Variants in QTRT2 observed in about 807,000 individuals in gnomAD.
QTRT2 encodes queuine tRNA-ribosyltransferase domain containing 1.
Under a neutral mutation model 44.8 loss-of-function variants are expected in QTRT2, and 32 were observed. That is an observed-to-expected ratio of 0.71 (90% CI 0.54 to 0.96). QTRT2 has a LOEUF of 0.96. Among genes scored for constraint, QTRT2 ranks in the 40% least tolerant of loss-of-function variants. The pLI is 0.00. For synonymous variants in QTRT2, 182 were observed against 187.4 expected (o/e 0.97, Z 0.24); for missense variants, 461 against 503.1 (o/e 0.92, Z 0.80).
At chr3:114,064,441 C>T (rs75217093) in intron 2 of QTRT2, among the ~76,000 whole-genome samples, 4,757 of 152,250 alleles carry the variant, frequency 0.031, 124 homozygotes, top group East Asian at 0.052. Context: ...AAGTGGAACC[C>T]AGTATTTTGC....
chr3:114,081,315 C>G (rs1264117910), intron 8 of QTRT2, among the ~76,000 whole-genome samples: 1 of 152,096 alleles, frequency 6.6e-6, no homozygotes, highest in Non-Finnish European at 1.5e-5. Context: ...AGCAGTTCTC[C>G]CAAATGACAA....
intron 2 of QTRT2, chr3:114,057,533 A>C (rs1248901890): frequency 6.6e-6 from 1 of 152,242 alleles, no homozygotes; most frequent in Non-Finnish European, 1.5e-5. Flanking sequence ...TAGGGAAGCT[A>C]TGCCCTCGGA....
chr3:114,059,640 T>A (rs1223407338), intron 2 of QTRT2, among the ~76,000 whole-genome samples: 1 of 152,238 alleles, frequency 6.6e-6, no homozygotes, highest in Admixed American at 6.5e-5. Context: ...GATTTCCAGC[T>A]GAAGTATAGT....
chr3:114,084,363 A>G (rs976891831), intron 9 of QTRT2, among the ~76,000 whole-genome samples: 5 of 152,148 alleles, frequency 3.3e-5, no homozygotes, highest in Admixed American at 1.3e-4. Flanking sequence ...CACATCTGTA[A>G]TCCTAGCACT....
chr3:114,079,897 C>T lies in QTRT2; in HGVS notation c.747-9C>T, dbSNP rs1379244497. 1.9e-6 allele frequency: 3 copies of T among 1,611,868 alleles called. No individual in the cohort carries two copies. The highest frequency in any genetic ancestry group is 2.5e-6 in the Non-Finnish European group (3 of 1,178,788). ...CCTCATGTCACTGTTCTTATTCTTA[C>T]TTTTACAGGCTCATATCTGGTGTTA... On this transcript the variant is annotated splice_polypyrimidine_tract_variant and intron_variant, in intron 7 of 9. Coordinates refer to ENST00000281273, the MANE Select transcript of QTRT2 (RefSeq NM_024638.4).
intron 5 of QTRT2, 107 bp downstream of exon 5, chr3:114,068,170 C>T: frequency 1.1e-6 from 1 of 889,282 alleles, no homozygotes; most frequent in Admixed American, 1.8e-5. Context: ...ATCCCTTATA[C>T]CTTTTCCTTA....
intron 6 of QTRT2, 118 bp downstream of exon 6, chr3:114,070,956 T>A (rs1431101653): frequency 1.4e-6 from 1 of 712,272 alleles, no homozygotes; most frequent in Admixed American, 2.8e-5. Flanking sequence ...TTTGTCTATT[T>A]TACTCTCTAT....
At chr3:114,057,143 A>C in intron 2 of QTRT2, 37 bp downstream of exon 2, 1 of 1,158,434 alleles carries the variant, frequency 8.6e-7, no homozygotes, top group Non-Finnish European at 1.1e-6. Flanking sequence ...CGAACTGCCC[A>C]TGGGAGGGTG....
chr3:114,082,600 T>G, intron 8 of QTRT2, 77 bp from the exon 9 acceptor site: 1 of 569,490 alleles, frequency 1.8e-6, no homozygotes, highest in Non-Finnish European at 3.1e-6. Flanking sequence ...CATGAAATAA[T>G]AACTAAAATA....
chr3:114,083,326 T>C (rs9755272), intron 9 of QTRT2, among the ~76,000 whole-genome samples: 148 of 150,258 alleles, frequency 9.8e-4, no homozygotes, highest in African/African-American at 3.3e-3. Flanking sequence ...GTTGTTGTTG[T>C]TGTTGTTGTT....
At chr3:114,076,371 T>C (rs973062944) in intron 6 of QTRT2, among the ~76,000 whole-genome samples, 12 of 152,040 alleles carry the variant, frequency 7.9e-5, no homozygotes, top group African/African-American at 2.9e-4. Flanking sequence ...CAGGTGTCGC[T>C]ATGTTGCCCA....
chr3:114,067,898 C>A, intron 4 of QTRT2, 89 bp from the exon 5 acceptor site: 1 of 1,075,640 alleles, frequency 9.3e-7, no homozygotes, highest in Non-Finnish European at 1.4e-6. Context: ...CTTTATTCAG[C>A]AGTACACATT....
chr3:114,057,229 A>C, intron 2 of QTRT2, 123 bp downstream of exon 2: 1 of 273,318 alleles, frequency 3.7e-6, no homozygotes, highest in Non-Finnish European at 6.3e-6. Flanking sequence ...GCAAAGATAA[A>C]TCCAGGCTTA....
chr3:114,068,194 A>G (rs991662478), intron 5 of QTRT2, 131 bp downstream of exon 5: 3 of 730,476 alleles, frequency 4.1e-6, no homozygotes, highest in Non-Finnish European at 7.3e-6. Flanking sequence ...CGATAATTAT[A>G]GTGGGATGGG....
In QTRT2 at chr3:114,065,277, A is replaced by T; in HGVS notation, c.20A>T (p.Lys7Met). The change falls in exon 3 of 10, where the codon AAG (lysine) becomes ATG (methionine). Residue 7 changes from lysine to methionine, a missense_variant. Physicochemically the swap from Lys to Met is moderately conservative, Grantham distance 95. Coordinates refer to ENST00000281273, the MANE Select transcript of QTRT2 (RefSeq NM_024638.4). MKLSLT[K>M]VVNGCRLGKI... The stretch of plus-strand genomic sequence containing the variant: ...CTTAGGATGAAGCTGAGTCTTACCA[A>T]GGTAGTTAATGGCTGTCGCCTAGGA... 6.2e-7 allele frequency: 1 copy of T among 1,614,120 alleles called. No homozygotes were observed. Among genetic ancestry groups the T allele is most frequent in the Non-Finnish European group, 8.5e-7 (1 of 1,179,998 alleles).
chr3:114,079,864 T>TG (rs746944179), intron 7 of QTRT2, 42 bp from the exon 8 acceptor site: 1 of 1,595,170 alleles, frequency 6.3e-7, no homozygotes, highest in South Asian at 1.1e-5. Context: ...TTTCCTTCCT[T>TG]GCATTGTCCT....
intron 6 of QTRT2, among the ~76,000 whole-genome samples, chr3:114,071,456 AC>A (rs2077023179): frequency 6.6e-6 from 1 of 151,924 alleles, no homozygotes; most frequent in Non-Finnish European, 1.5e-5. Context: ...GCACCATCAC[AC>A]CCGGCTAATT....
chr3:114,071,770 T>C (rs1049087724), intron 6 of QTRT2, among the ~76,000 whole-genome samples: 1 of 152,206 alleles, frequency 6.6e-6, no homozygotes, highest in African/African-American at 2.4e-5. Flanking sequence ...TGAATTCTTC[T>C]CTCTGCCTCC....
chr3:114,065,266 G>T lies in QTRT2; in HGVS notation c.9G>T (p.Leu3=). 6.2e-7 allele frequency: 1 copy of T among 1,613,798 alleles called. No individual in the cohort carries two copies. The highest frequency in any genetic ancestry group is 8.5e-7 in the Non-Finnish European group (1 of 1,179,926). The stretch of plus-strand genomic sequence containing the variant: ...TAGAAGAATCCCTTAGGATGAAGCT[G>T]AGTCTTACCAAGGTAGTTAATGGCT... MK[L]SLTKVVNGCR... The change falls in exon 3 of 10, where the codon CTG becomes CTT. Residue 3 remains leucine (L), a synonymous_variant. Coordinates refer to ENST00000281273, the MANE Select transcript of QTRT2 (RefSeq NM_024638.4).
Sources: gnomAD v4.1 joint callset for allele counts (sites outside exome capture counted in the v4.1 genomes callset) on GRCh38, gnomAD v4.1.1 for gene constraint, MANE v1.5 for transcripts, NCBI Gene and HGNC (gene_info 2026-07-23, HGNC 2026-07-21) for gene names.